Variants in DENND1C observed in about 807,000 individuals in gnomAD.
DENND1C encodes DENN domain containing 1C, also known as DENN domain-containing protein 1C.
In DENND1C, 64 loss-of-function variants were observed where a neutral mutation model predicts 87.9. The ratio of observed to expected loss-of-function variants is 0.73; its 90% CI spans 0.60 to 0.90. The LOEUF (loss-of-function observed/expected upper bound fraction) is 0.90. Among genes scored for constraint, DENND1C ranks in the 40% least tolerant of loss-of-function variants. The pLI, the probability that DENND1C is intolerant of heterozygous loss-of-function variation, is 0.00. For missense variants in DENND1C, 980 were observed against 1,037.0 expected, an observed-to-expected ratio of 0.95 and a Z score of 0.76; for synonymous variants, 384 against 424.4, an observed-to-expected ratio of 0.90 and a Z score of 1.17.
Position 6,481,672 on chromosome 19 carries a change from C to T in DENND1C, c.17+7G>A, listed in dbSNP as rs1283837645. On this transcript the variant is annotated splice_region_variant and intron_variant, in intron 1 of 22. Coordinates refer to ENST00000381480, the MANE Select transcript of DENND1C (RefSeq NM_024898.4). ...TACCAGAGAATGAGGGATGGGGTGGCTCTTACTCAGCTCTGGATTCCATGG... is the reference window on the plus strand; with the variant it reads ...TACCAGAGAATGAGGGATGGGGTGGTTCTTACTCAGCTCTGGATTCCATGG... 1 of 1,609,792 alleles carries T rather than the reference C, an allele frequency of 6.2e-7. No individual in the cohort carries two copies. The highest frequency in any genetic ancestry group is 8.5e-7 in the Non-Finnish European group (1 of 1,177,902).
At chr19:6,470,122 A>G (rs1005342853) in intron 18 of DENND1C, 173 bp downstream of exon 18, 1 of 638,498 alleles carries the variant, frequency 1.6e-6, no homozygotes, top group African/African-American at 1.8e-5. Flanking sequence ...TAAATAAAAA[A>G]TAAAAGGGGG....
At chr19:6,475,166 G>T (rs1266275520) in intron 14 of DENND1C, 108 bp downstream of exon 14, 2 of 1,550,150 alleles carry the variant, frequency 1.3e-6, no homozygotes, top group African/African-American at 1.4e-5. Flanking sequence ...CAAAGTGTTG[G>T]GATTACAGGC....
At chr19:6,480,336 T>C (rs2145218894) in intron 1 of DENND1C, 2 of 1,363,616 alleles carry the variant, frequency 1.5e-6, no homozygotes, top group East Asian at 5.9e-5. Flanking sequence ...GCAGGCAGTG[T>C]GTGTGTGATC....
In DENND1C at chr19:6,467,945, G is replaced by A. The variant is rs1284725886; in HGVS notation, c.1965C>T (p.Ser655=). Residue 655 remains serine (S), a synonymous_variant, in exon 23 of 23, where the codon TCC becomes TCT. Coordinates refer to ENST00000381480, the MANE Select transcript of DENND1C (RefSeq NM_024898.4). ...SESDQEVTSP[S]QSSTASADPS... ...GGTCTGCAGAAGCTGTTGAGGACTGGGATGGAGACGTGACTTCTTGGTCGG... is the reference window on the plus strand; with the variant it reads ...GGTCTGCAGAAGCTGTTGAGGACTGAGATGGAGACGTGACTTCTTGGTCGG... 1 of 1,613,894 alleles carries A rather than the reference G, an allele frequency of 6.2e-7. No homozygotes were observed. The highest frequency in any genetic ancestry group is 8.5e-7 in the Non-Finnish European group (1 of 1,179,852).
intron 19 of DENND1C, chr19:6,469,347 T>C (rs2092815232): frequency 3.9e-6 from 2 of 513,378 alleles, no homozygotes; most frequent in Admixed American, 6.4e-5. Flanking sequence ...TTCTTTTTTT[T>C]GAGACAGGGT....
chr19:6,470,940 G>A (rs939247785), intron 17 of DENND1C, among the ~76,000 whole-genome samples: 3 of 151,730 alleles, frequency 2.0e-5, no homozygotes, highest in African/African-American at 7.3e-5. Flanking sequence ...TTACAGGCAT[G>A]AGCCACCGTG....
Position 6,468,253 on chromosome 19 carries a change from A to C in DENND1C, c.1772T>G (p.Leu591Arg), listed in dbSNP as rs1431615440. 1 of 1,613,486 alleles carries C rather than the reference A, an allele frequency of 6.2e-7. No individual in the cohort carries two copies. Among genetic ancestry groups the C allele is most frequent in the South Asian group, 1.1e-5 (1 of 91,018 alleles). The change falls in exon 22 of 23, where the codon CTG (leucine) becomes CGG (arginine). Residue 591 changes from leucine (L) to arginine (R), a missense_variant. Leu to Arg is a moderately radical substitution (Grantham distance 102, BLOSUM62 -2). Coordinates refer to ENST00000381480, the MANE Select transcript of DENND1C (RefSeq NM_024898.4). Reference protein sequence around the residue: ...QSLDCCHRGDLDSCFSLPNIP... With the variant: ...QSLDCCHRGDRDSCFSLPNIP... ...TCTCACCAGGCTGAAGCAGCTGTCCAGGTCTCCTCTGTGACAGCAGTCTAA... is the reference window on the plus strand; with the variant it reads ...TCTCACCAGGCTGAAGCAGCTGTCCCGGTCTCCTCTGTGACAGCAGTCTAA...
chr19:6,471,375 G>A (rs904954828), intron 16 of DENND1C, 31 bp downstream of exon 16: 2 of 1,582,498 alleles, frequency 1.3e-6, no homozygotes, highest in Non-Finnish European at 1.7e-6. Flanking sequence ...GGCGGGTAGT[G>A]GGGGACCCAG....
At chr19:6,474,951 C>G (rs2092849683) in intron 14 of DENND1C, among the ~76,000 whole-genome samples, 1 of 152,024 alleles carries the variant, frequency 6.6e-6, no homozygotes, top group Non-Finnish European at 1.5e-5. Flanking sequence ...CACCTGCAGT[C>G]CCAGCTACTT....
intron 6 of DENND1C, 74 bp from the exon 7 acceptor site, chr19:6,477,532 G>C (rs2092869783): frequency 7.0e-7 from 1 of 1,421,548 alleles, no homozygotes; most frequent in African/African-American, 1.4e-5. Flanking sequence ...CTATGACTAA[G>C]GTTGAGTGGT....
rs556648489 is a variant in DENND1C, at chr19:6,475,459, G to C, written c.927+25C>G. ...TGTGGGCCCCTCGCCTCCCGGGGCA[G>C]GAAGGTGGGAGGGGCGACACTGACC... is the stretch of plus-strand genomic sequence containing the variant. On this transcript the variant is annotated intron_variant, in intron 13 of 22. Transcript: ENST00000381480. The C allele has an allele frequency of 5.0e-6, 8 of 1,613,778 alleles. No individual in the cohort carries two copies. In the East Asian group the frequency reaches 1.8e-4, roughly 36 times the overall value.
In DENND1C at chr19:6,470,238, C is replaced by T. The variant is rs185794466; in HGVS notation, c.1362+57G>A. On this transcript the variant is annotated intron_variant, in intron 18 of 22. Coordinates refer to ENST00000381480, the MANE Select transcript of DENND1C (RefSeq NM_024898.4). ...TCCATCCTTGGGAGGTCAAAGTGTC[C>T]TCTGTCCCCTCCCCCTCGTCACCCC... The T allele has an allele frequency of 1.0e-4, 155 of 1,548,414 alleles. 2 individuals carry two copies. In the Admixed American group the frequency reaches 2.9e-3, roughly 29 times the overall value.
In DENND1C at chr19:6,468,049, G is replaced by A; in HGVS notation, c.1861C>T (p.Pro621Ser). 1 of 1,613,884 alleles carries A rather than the reference G, an allele frequency of 6.2e-7. No individual in the cohort carries two copies. The highest frequency in any genetic ancestry group is 8.5e-7 in the Non-Finnish European group (1 of 1,179,846). Residue 621 changes from proline (P) to serine (S), a missense_variant, in exon 23 of 23, where the codon CCA becomes TCA. Pro to Ser is a moderately conservative substitution (Grantham distance 74). Transcript: ENST00000381480. ...PEPEPQPLSLPSLQNASSLDA... is the reference protein window; with the variant it reads ...PEPEPQPLSLSSLQNASSLDA... ...AAAGACGAGGCATTTTGCAGGGATG[G>A]CAGGGAAAGGGGCTGGGGCTCCGGC...
chr19:6,468,014 G>T lies in DENND1C; in HGVS notation c.1896C>A (p.Thr632=). 6.2e-7 allele frequency: 1 copy of T among 1,613,898 alleles called. No individual in the cohort carries two copies. Among genetic ancestry groups the T allele is most frequent in the South Asian group, 1.1e-5 (1 of 91,064 alleles). Residue 632 remains threonine (T), a synonymous_variant, in exon 23 of 23, where the codon ACC becomes ACA. Coordinates refer to ENST00000381480, the MANE Select transcript of DENND1C (RefSeq NM_024898.4). ...GGGACCTGGAGTCCTTTGAAGAGCTGGTGGCATCCAAAGACGAGGCATTTT... is the reference window on the plus strand; with the variant it reads ...GGGACCTGGAGTCCTTTGAAGAGCTTGTGGCATCCAAAGACGAGGCATTTT... ...SLQNASSLDA[T]SSSKDSRSQL... is the part of the protein sequence containing the mutation.
intron 1 of DENND1C, among the ~76,000 whole-genome samples, chr19:6,481,129 T>G (rs1913536118): frequency 6.6e-6 from 1 of 151,542 alleles, no homozygotes; most frequent in African/African-American, 2.4e-5. Context: ...CTGTAAGCCC[T>G]GCAATCTCTG....
chr19:6,470,500 C>G (rs760994838), intron 17 of DENND1C, 134 bp from the exon 18 acceptor site: 1 of 813,780 alleles, frequency 1.2e-6, no homozygotes, highest in African/African-American at 1.7e-5. Flanking sequence ...TGAACATGAT[C>G]GTAGTCATGA....
At chr19:6,478,684 T>A in intron 6 of DENND1C, 99 bp downstream of exon 6, 1 of 1,360,932 alleles carries the variant, frequency 7.3e-7, no homozygotes, top group South Asian at 1.3e-5. Context: ...TGACACAGTG[T>A]GCCCTGCCAA....
At position 6,468,217 on chromosome 19, in the gene DENND1C, G is replaced by A. The variant is rs1180437178; in HGVS notation, c.1791+17C>T. ...GAAGACTTGGGGTAGGGTTGGGGGA[G>A]TGGGCGAGGCTCTCACCAGGCTGAA... On this transcript the variant is annotated intron_variant, in intron 22 of 22. Transcript: ENST00000381480. The A allele has an allele frequency of 6.2e-7, 1 of 1,612,994 alleles. No homozygotes were observed. The highest frequency in any genetic ancestry group is 8.5e-7 in the Non-Finnish European group (1 of 1,179,474).
chr19:6,480,602 CT>C lies in DENND1C; in HGVS notation c.18-552del, dbSNP rs1257995485. On this transcript the variant is annotated intron_variant, in intron 1 of 22. Transcript: ENST00000381480. The stretch of plus-strand genomic sequence containing the variant: ...TCTATCTATCTATCTATCTATCTAT[CT>C]ATCTATCTATCTATTTTTTTGAGAT... 1.7e-5 allele frequency: 7 copies of C among 400,016 alleles called. No individual in the cohort carries two copies. The East Asian group carries it at 9.7e-4, about 56-fold the overall frequency. 24.8% of individuals were successfully genotyped at this position (400,016 alleles called of 1,614,324 possible). A position where few individuals can be genotyped will look rare whatever the true frequency, so the allele number is the denominator to read the frequency against.
Sources: allele counts gnomAD v4.1 joint callset (sites outside exome capture counted in the v4.1 genomes callset), GRCh38; gene constraint gnomAD v4.1.1; transcripts MANE v1.5; gene names NCBI Gene and HGNC (gene_info 2026-07-23, HGNC 2026-07-21).